CTNNA2: variants seen among roughly 807,000 people sequenced by gnomAD.
The protein encoded by CTNNA2 is catenin alpha 2, also known as catenin alpha-2.
CTNNA2 carries 42 observed loss-of-function variants against 101.0 expected under a neutral mutation model. The ratio of observed to expected loss-of-function variants is 0.42; its 90% CI spans 0.32 to 0.54. The LOEUF is 0.54. Among genes scored for constraint, CTNNA2 ranks in the 20% least tolerant of loss-of-function variants. CTNNA2 has a pLI of 0.14. For missense variants in CTNNA2, 871 were observed against 1,223.1 expected (o/e 0.71, Z 4.29); for synonymous variants, 450 against 456.4 (o/e 0.99, Z 0.18).
chr2:80,397,735 G>A (rs905844439), intron 8 of CTNNA2, among the ~76,000 whole-genome samples: 15 of 152,176 alleles, frequency 9.9e-5, no homozygotes, highest in East Asian at 1.9e-4. Flanking sequence ...TATTAGAAGC[G>A]TGAGAACAGA....
At chr2:79,571,115 C>G (rs771355336) in intron 1 of CTNNA2, among the ~76,000 whole-genome samples, 1 of 152,114 alleles carries the variant, frequency 6.6e-6, no homozygotes, top group Admixed American at 6.5e-5. Context: ...AGCACTGATT[C>G]TGGAGGATTA....
chr2:79,783,727 C>G (rs1674626782), intron 3 of CTNNA2, among the ~76,000 whole-genome samples: 1 of 152,172 alleles, frequency 6.6e-6, no homozygotes. Flanking sequence ...CAACATGTAT[C>G]TTCTCAAAAT....
rs76904673 is a variant in CTNNA2, at chr2:79,793,285, C to T, written c.298+48703C>T. Among the ~76,000 whole-genome samples the T allele has an allele frequency of 1.7e-3, 261 of 152,278 alleles. 12 individuals carry two copies. In the East Asian group the frequency reaches 0.033, roughly 19 times the overall value. On this transcript the variant is annotated intron_variant, in intron 3 of 18. Transcript: ENST00000402739. Reference sequence around the variant, plus strand: ...AAACAAATGCCTTTATTACTCACAGCGCAGAAAGCAGTGTGAGTCTCAAAT... The same window carrying T: ...AAACAAATGCCTTTATTACTCACAGTGCAGAAAGCAGTGTGAGTCTCAAAT...
At chr2:79,760,666 C>A (rs1672729489) in intron 3 of CTNNA2, among the ~76,000 whole-genome samples, 2 of 152,154 alleles carry the variant, frequency 1.3e-5, no homozygotes, top group Non-Finnish European at 2.9e-5. Context: ...TAATGCCTGA[C>A]CAACTTCACA....
At chr2:80,349,365 T>G (rs1673072370) in intron 7 of CTNNA2, among the ~76,000 whole-genome samples, 1 of 152,172 alleles carries the variant, frequency 6.6e-6, no homozygotes, top group Admixed American at 6.6e-5. Context: ...TTTGTTGATT[T>G]GTTGATTCGT....
At chr2:80,325,129 A>G (rs1230087327) in intron 7 of CTNNA2, among the ~76,000 whole-genome samples, 1 of 152,208 alleles carries the variant, frequency 6.6e-6, no homozygotes, top group Non-Finnish European at 1.5e-5. Context: ...TATATGTCAA[A>G]TGAATAAATG....
chr2:79,377,728 C>T (rs1416954008), intron 4 of CTNNA2, among the ~76,000 whole-genome samples: 1 of 152,164 alleles, frequency 6.6e-6, no homozygotes, highest in African/African-American at 2.4e-5. Context: ...GGTGCATACT[C>T]ATTGCATGCA....
At chr2:79,423,384 T>C (rs909668454) in intron 4 of CTNNA2, among the ~76,000 whole-genome samples, 1 of 152,068 alleles carries the variant, frequency 6.6e-6, no homozygotes, top group Non-Finnish European at 1.5e-5. Context: ...TCAAAACAAA[T>C]GGCCAGCTGA....
At chr2:80,347,818 TA>T (rs1672889589) in intron 7 of CTNNA2, among the ~76,000 whole-genome samples, 1 of 151,084 alleles carries the variant, frequency 6.6e-6, no homozygotes, top group Non-Finnish European at 1.5e-5. Context: ...ATTTGCACAT[TA>T]TCTTTTCCTT....
chr2:80,322,558 C>G (rs1245839821), intron 7 of CTNNA2, among the ~76,000 whole-genome samples: 2 of 151,482 alleles, frequency 1.3e-5, no homozygotes, highest in African/African-American at 2.4e-5. Flanking sequence ...AGCTCCGGGA[C>G]GGCGCGCGGC....
intron 3 of CTNNA2, among the ~76,000 whole-genome samples, chr2:79,835,672 T>TG (rs1437276407): frequency 0.014 from 216 of 15,434 alleles, 4 homozygotes; most frequent in African/African-American, 0.032. Flanking sequence ...CTTTGTTTTT[T>TG]TTTTTTTTTT....
At chr2:79,299,553 A>T (rs1227538369) in intron 2 of CTNNA2, among the ~76,000 whole-genome samples, 1 of 152,226 alleles carries the variant, frequency 6.6e-6, no homozygotes, top group Non-Finnish European at 1.5e-5. Flanking sequence ...GAGAAATTAA[A>T]AATCCCAAAC....
chr2:80,540,456 G>T (rs538223326), intron 9 of CTNNA2, among the ~76,000 whole-genome samples: 1 of 152,128 alleles, frequency 6.6e-6, no homozygotes, highest in South Asian at 2.1e-4. Flanking sequence ...AATTAGCCAG[G>T]CGTAGTGTTG....
At position 80,406,210 on chromosome 2, in the gene CTNNA2, G is replaced by A. The variant is rs1159433235; in HGVS notation, c.1137+12919G>A. 2.6e-5 allele frequency among the ~76,000 whole-genome samples: 4 copies of A among 152,180 alleles called. No homozygotes were observed. In the South Asian group the frequency reaches 8.3e-4, roughly 32 times the overall value. On this transcript the variant is annotated intron_variant, in intron 8 of 18. Coordinates refer to ENST00000402739, the MANE Select transcript of CTNNA2 (RefSeq NM_001282597.3). ...ATCTCTACTAAAAATACAAAGTTAG[G>A]TGGGCATGGTGGCTTGCGCCTGTGT...
intron 7 of CTNNA2, among the ~76,000 whole-genome samples, chr2:79,997,361 G>T (rs1049265714): frequency 6.7e-6 from 1 of 148,710 alleles, no homozygotes; most frequent in African/African-American, 2.5e-5. Flanking sequence ...GGAAGGAAAA[G>T]AAAAAAGAAA....
chr2:80,644,251 C>A (rs1198869419), intron 18 of CTNNA2, among the ~76,000 whole-genome samples: 1 of 152,030 alleles, frequency 6.6e-6, no homozygotes, highest in East Asian at 1.9e-4. Context: ...ATTCCTACTT[C>A]GAGAATTTTT....
At chr2:79,424,241 T>C (rs1204646949) in intron 4 of CTNNA2, among the ~76,000 whole-genome samples, 1 of 152,166 alleles carries the variant, frequency 6.6e-6, no homozygotes, top group African/African-American at 2.4e-5. Context: ...TCTGGTTTTA[T>C]CTACTAGAGA....
intron 3 of CTNNA2, among the ~76,000 whole-genome samples, chr2:79,788,973 A>G (rs1675060620): frequency 6.6e-6 from 1 of 152,202 alleles, no homozygotes; most frequent in Non-Finnish European, 1.5e-5. Flanking sequence ...AGATAAACAT[A>G]TGTAATAATG....
chr2:79,350,763 A>G (rs2104438289), intron 3 of CTNNA2, among the ~76,000 whole-genome samples: 1 of 152,294 alleles, frequency 6.6e-6, no homozygotes, highest in Non-Finnish European at 1.5e-5. Flanking sequence ...AACAGTGTAT[A>G]GTCATTCCCT....
Sources: gnomAD v4.1 joint callset for allele counts (sites outside exome capture counted in the v4.1 genomes callset) on GRCh38, gnomAD v4.1.1 for gene constraint, MANE v1.5 for transcripts, NCBI Gene and HGNC (gene_info 2026-07-23, HGNC 2026-07-21) for gene names.